Variants in CRYL1 observed in about 807,000 individuals in gnomAD.
The protein encoded by CRYL1 is lambda-crystallin homolog.
A neutral mutation model predicts 36.6 loss-of-function variants in CRYL1; 29 were observed. The ratio of observed to expected loss-of-function variants is 0.79; its 90% confidence interval spans 0.59 to 1.08. The LOEUF is 1.08. Ranked by LOEUF, CRYL1 falls within the 50% of genes least tolerant of loss-of-function variation. The probability of loss-of-function intolerance (pLI) is 0.00; values close to 1 mark genes in which losing one functional copy is unlikely to be tolerated. For missense variants in CRYL1, 411 were observed against 407.9 expected (o/e 1.01, Z -0.06); for synonymous variants, 152 against 151.5 (o/e 1.00, Z -0.02).
intron 5 of CRYL1, chr13:20,430,320 C>G (rs2137387527): frequency 2.0e-6 from 2 of 985,446 alleles, no homozygotes; most frequent in East Asian, 1.1e-4. Flanking sequence ...TTTTGGCACT[C>G]AGTTCCTTAC....
In CRYL1 at chr13:20,415,285, G is replaced by A. The variant is rs1012183417; in HGVS notation, c.634-1898C>T. 6.6e-6 allele frequency among the ~76,000 whole-genome samples: 1 copy of A among 152,176 alleles called. No homozygotes were observed. Among genetic ancestry groups the A allele is most frequent in the African/African-American group, 2.4e-5 (1 of 41,458 alleles). ...CCCTCTGCCCTGCTGCGAGCCTGGGGCGCCTGGGCCTGGCCTCGAGGTTCC... is the reference window on the plus strand; with the variant it reads ...CCCTCTGCCCTGCTGCGAGCCTGGGACGCCTGGGCCTGGCCTCGAGGTTCC... On this transcript the variant is annotated intron_variant, in intron 5 of 7. Coordinates refer to ENST00000298248, the MANE Select transcript of CRYL1 (RefSeq NM_015974.3). The surrounding 1 kb of genome is among the most constrained non-coding windows in gnomAD (Gnocchi z 4.1).
At chr13:20,427,161 T>A in intron 5 of CRYL1, 1 of 985,418 alleles carries the variant, frequency 1.0e-6, no homozygotes, top group Non-Finnish European at 1.2e-6. Flanking sequence ...AATGTAGACT[T>A]GAAATGACAT....
intron 3 of CRYL1, among the ~76,000 whole-genome samples, chr13:20,472,031 T>C (rs1442469853): frequency 1.3e-5 from 2 of 152,088 alleles, no homozygotes. Context: ...AGGCTAATTT[T>C]TGTACTTTTA....
chr13:20,477,929 G>C (rs1228078512), intron 3 of CRYL1, among the ~76,000 whole-genome samples: 1 of 143,686 alleles, frequency 7.0e-6, no homozygotes, highest in African/African-American at 2.6e-5. Context: ...ATATATTACA[G>C]TATATTATAT....
intron 3 of CRYL1, among the ~76,000 whole-genome samples, chr13:20,443,113 C>A (rs2032381723): frequency 6.6e-6 from 1 of 152,130 alleles, no homozygotes; most frequent in South Asian, 2.1e-4. Context: ...TAAAGTAAAT[C>A]ATTTATAAAC....
At chr13:20,456,677 A>ACACC (rs1565970229) in intron 3 of CRYL1, among the ~76,000 whole-genome samples, 10 of 145,468 alleles carry the variant, frequency 6.9e-5, no homozygotes, top group South Asian at 2.2e-4. Flanking sequence ...ACACACACAC[A>ACACC]CCCCAGAATG....
chr13:20,453,461 T>C (rs2032615594), intron 3 of CRYL1, among the ~76,000 whole-genome samples: 2 of 148,984 alleles, frequency 1.3e-5, no homozygotes, highest in South Asian at 2.1e-4. Flanking sequence ...TATTTGAATA[T>C]TTTGAAAATG....
At chr13:20,454,652 C>T (rs542271921) in intron 3 of CRYL1, among the ~76,000 whole-genome samples, 2 of 152,274 alleles carry the variant, frequency 1.3e-5, no homozygotes, top group East Asian at 3.9e-4. Flanking sequence ...ATCTCCTGAC[C>T]TCATGATCCA....
At chr13:20,505,896 C>T (rs918223888) in intron 2 of CRYL1, among the ~76,000 whole-genome samples, 1 of 152,192 alleles carries the variant, frequency 6.6e-6, no homozygotes, top group African/African-American at 2.4e-5. Context: ...CACCACAGGT[C>T]ATACACGGTG....
intron 3 of CRYL1, among the ~76,000 whole-genome samples, chr13:20,447,753 C>A (rs770015548): frequency 6.6e-6 from 1 of 152,164 alleles, no homozygotes; most frequent in African/African-American, 2.4e-5. Flanking sequence ...ACCTTTAATG[C>A]ACTAAGGATA....
chr13:20,482,597 G>A (rs115501759), intron 3 of CRYL1, among the ~76,000 whole-genome samples: 1 of 152,214 alleles, frequency 6.6e-6, no homozygotes, highest in Non-Finnish European at 1.5e-5. Flanking sequence ...GAAACGTCCT[G>A]ACCCAGGCTC....
intron 2 of CRYL1, among the ~76,000 whole-genome samples, chr13:20,494,112 G>A (rs987140387): frequency 6.6e-6 from 1 of 152,182 alleles, no homozygotes; most frequent in African/African-American, 2.4e-5. Flanking sequence ...ACCTGCAGCA[G>A]TGGCTAAGCC....
At chr13:20,426,805 T>C (rs2031943169) in intron 5 of CRYL1, 1 of 985,366 alleles carries the variant, frequency 1.0e-6, no homozygotes, top group Non-Finnish European at 1.2e-6. Flanking sequence ...GATGAAGTTC[T>C]GGAATCTCAG....
At chr13:20,430,379 G>T in intron 5 of CRYL1, 1 of 985,334 alleles carries the variant, frequency 1.0e-6, no homozygotes, top group African/African-American at 1.7e-5. Flanking sequence ...AGAGACATAT[G>T]CAGGCTTCAC....
intron 2 of CRYL1, among the ~76,000 whole-genome samples, chr13:20,493,602 G>A (rs1397591578): frequency 6.6e-6 from 1 of 152,166 alleles, no homozygotes; most frequent in Admixed American, 6.5e-5. Flanking sequence ...GGATATTTCA[G>A]TGAGCCGAGA....
At position 20,465,607 on chromosome 13, in the gene CRYL1, G is replaced by A. The variant is rs1458865717; in HGVS notation, c.276+23763C>T. ...CAAGGGTAAGAGAAAACAGAGGCAG[G>A]CACCGGTCACCCTGCAGCTTGGCAG... On this transcript the variant is annotated intron_variant, in intron 3 of 7. Coordinates refer to ENST00000298248, the MANE Select transcript of CRYL1 (RefSeq NM_015974.3). Among the ~76,000 whole-genome samples, 3 of 152,106 alleles carry A rather than the reference G, an allele frequency of 2.0e-5. No individual in the cohort carries two copies. In the East Asian group the frequency reaches 5.8e-4, roughly 29 times the overall value.
intron 3 of CRYL1, among the ~76,000 whole-genome samples, chr13:20,449,948 A>C (rs1438191346): frequency 2.0e-5 from 3 of 152,218 alleles, no homozygotes; most frequent in Non-Finnish European, 4.4e-5. Context: ...CACAGATAAC[A>C]CAAAAAAATG....
chr13:20,419,487 T>G (rs113377634), intron 5 of CRYL1, among the ~76,000 whole-genome samples: 3,765 of 152,146 alleles, frequency 0.025, 133 homozygotes, highest in African/African-American at 0.085. Context: ...AGACACAGTT[T>G]CTCCATGTTG....
intron 3 of CRYL1, among the ~76,000 whole-genome samples, chr13:20,462,225 T>A (rs1456650625): frequency 2.0e-5 from 3 of 148,726 alleles, no homozygotes; most frequent in Admixed American, 6.7e-5. Context: ...GAGGAGGGCC[T>A]GGTGGGAGAA....
Sources: gnomAD v4.1 joint callset for allele counts (sites outside exome capture counted in the v4.1 genomes callset) on GRCh38, gnomAD v4.1.1 for gene constraint, Gnocchi (gnomAD v3.1) non-coding constraint, MANE v1.5 for transcripts, NCBI Gene and HGNC (gene_info 2026-07-23, HGNC 2026-07-21) for gene names.